Variants in MCPH1 observed in about 807,000 individuals in gnomAD.
MCPH1 encodes the protein microcephalin 1, also known as microcephalin.
MCPH1 carries 104 observed loss-of-function variants against 84.5 expected under a neutral mutation model. The ratio of observed to expected loss-of-function variants is 1.23; its 90% CI spans 1.05 to 1.45. The LOEUF (loss-of-function observed/expected upper bound fraction) is 1.45. MCPH1 is among the 40% of genes most tolerant of loss of function. The pLI is 0.00. For missense variants in MCPH1, 1,498 were observed against 1,005.7 expected (o/e 1.49, Z -6.62); for synonymous variants, 514 against 366.8 (o/e 1.40, Z -4.58).
intron 11 of MCPH1, among the ~76,000 whole-genome samples, chr8:6,490,925 G>A (rs1461496032): frequency 1.4e-5 from 2 of 139,456 alleles, no homozygotes; most frequent in South Asian, 2.4e-4. Flanking sequence ...AATTTAACAA[G>A]CATTGTATAT....
intron 12 of MCPH1, among the ~76,000 whole-genome samples, chr8:6,551,572 A>G (rs1823660656): frequency 2.0e-5 from 3 of 152,286 alleles, no homozygotes; most frequent in Middle Eastern, 3.4e-3. Flanking sequence ...TTTTTAACTC[A>G]TAACATTTTT....
intron 12 of MCPH1, among the ~76,000 whole-genome samples, chr8:6,610,490 T>A (rs1830168168): frequency 6.6e-6 from 1 of 152,232 alleles, no homozygotes. Flanking sequence ...CCTTTCTAGT[T>A]CGACTCTTAG....
chr8:6,441,956 T>C (rs1281357381), intron 6 of MCPH1, 111 bp from the exon 7 acceptor site: 1 of 751,964 alleles, frequency 1.3e-6, no homozygotes, highest in Non-Finnish European at 2.3e-6. Context: ...AACTTTGTGA[T>C]TATAGGATTT....
intron 12 of MCPH1, among the ~76,000 whole-genome samples, chr8:6,574,951 A>G (rs1258113640): frequency 6.6e-6 from 1 of 152,214 alleles, no homozygotes; most frequent in Non-Finnish European, 1.5e-5. Flanking sequence ...AACAGGATAA[A>G]TAAAATGATG....
At chr8:6,633,045 G>A (rs1298843985) in intron 13 of MCPH1, among the ~76,000 whole-genome samples, 4 of 150,702 alleles carry the variant, frequency 2.7e-5, no homozygotes, top group Non-Finnish European at 5.9e-5. Context: ...AAACTCTTCA[G>A]AAACCAGGAA....
chr8:6,443,655 A>G (rs1803838707), intron 7 of MCPH1, among the ~76,000 whole-genome samples: 2 of 152,216 alleles, frequency 1.3e-5, no homozygotes, highest in Admixed American at 6.5e-5. Flanking sequence ...ATGGGGCAGT[A>G]TGATGCATGA....
chr8:6,582,173 G>A (rs1000927122), intron 12 of MCPH1, among the ~76,000 whole-genome samples: 3 of 152,182 alleles, frequency 2.0e-5, no homozygotes, highest in African/African-American at 4.8e-5. Context: ...CACATCTAAC[G>A]TCAGCACACT....
chr8:6,423,455 G>T (rs991526195), intron 3 of MCPH1, among the ~76,000 whole-genome samples: 3 of 152,070 alleles, frequency 2.0e-5, no homozygotes, highest in African/African-American at 7.2e-5. Flanking sequence ...ATGAGCCCCT[G>T]CGCCCGGCCC....
Position 6,480,854 on chromosome 8 carries a change from G to C in MCPH1, c.2114G>C (p.Cys705Ser). 6.2e-7 allele frequency: 1 copy of C among 1,614,170 alleles called. No homozygotes were observed. Among genetic ancestry groups the C allele is most frequent in the East Asian group, 2.2e-5 (1 of 44,886 alleles). The change falls in exon 11 of 14, where the codon TGC becomes TCC. Residue 705 changes from cysteine (C) to serine (S), a missense_variant. By Grantham distance (112) the Cys-to-Ser change is moderately radical. Transcript: ENST00000344683. ...GTGCTGCTGGGAATTGCGCGTGGCT[G>C]CTGGGTTCTCTCTTATGATTGGGTA... The part of the protein sequence containing the change: ...LNVLLGIARG[C>S]WVLSYDWVLW...
In MCPH1 at chr8:6,621,565, T is replaced by C; in HGVS notation, c.2326T>C (p.Cys776Arg). ...CAGCAGCCCCCCAGTGGCCAAGCTC[T>C]GTGAACTAGTCCACCTGTGCGGAGG... ...PASSPPVAKL[C>R]ELVHLCGGRV... is the part of the protein sequence containing the mutation. Residue 776 changes from cysteine to arginine, a missense_variant, in exon 13 of 14, where the codon TGT (cysteine) becomes CGT (arginine). Coordinates refer to ENST00000344683, the MANE Select transcript of MCPH1 (RefSeq NM_024596.5). 1 of 1,614,218 alleles carries C rather than the reference T, an allele frequency of 6.2e-7. No homozygotes were observed. Among genetic ancestry groups the C allele is most frequent in the South Asian group, 1.1e-5 (1 of 91,090 alleles).
intron 13 of MCPH1, 131 bp downstream of exon 13, chr8:6,621,822 A>G (rs1831457114): frequency 8.1e-7 from 1 of 1,231,338 alleles, no homozygotes; most frequent in Non-Finnish European, 1.2e-6. Context: ...AGCCTCCAGC[A>G]TCTGCCCTGG....
chr8:6,434,144 G>C (rs1243472541), intron 4 of MCPH1, among the ~76,000 whole-genome samples: 1 of 152,118 alleles, frequency 6.6e-6, no homozygotes, highest in African/African-American at 2.4e-5. Flanking sequence ...GTGCTGACTG[G>C]CTCCTCCTAA....
At chr8:6,625,687 C>T (rs1235651259) in intron 13 of MCPH1, 7 of 982,786 alleles carry the variant, frequency 7.1e-6, no homozygotes, top group African/African-American at 7.0e-5. Context: ...GTCTTAGCTA[C>T]GTGGGAGCTT....
intron 6 of MCPH1, among the ~76,000 whole-genome samples, chr8:6,441,100 C>G (rs1204309192): frequency 6.6e-6 from 1 of 152,120 alleles, no homozygotes; most frequent in Non-Finnish European, 1.5e-5. Context: ...TATGGCCACC[C>G]CTTTTGCAAG....
chr8:6,544,161 A>G (rs1318986898), intron 12 of MCPH1, among the ~76,000 whole-genome samples: 1 of 152,226 alleles, frequency 6.6e-6, no homozygotes, highest in African/African-American at 2.4e-5. Context: ...ATTTGGTAGG[A>G]AGTGTAACAA....
At chr8:6,583,861 T>TTG (rs1341037497) in intron 12 of MCPH1, among the ~76,000 whole-genome samples, 1 of 151,668 alleles carries the variant, frequency 6.6e-6, no homozygotes, top group Non-Finnish European at 1.5e-5. Flanking sequence ...TGTTTTGTTT[T>TTG]TTTTTTTAAG....
Position 6,477,640 on chromosome 8 carries a change from T to G in MCPH1, c.1973+9T>G. ...ACAAGCATGCCATCTGAGTAAGTAC[T>G]TGTTTTGATTTCTGTTCAATGTAAA... On this transcript the variant is annotated intron_variant, in intron 10 of 13. Transcript: ENST00000344683. 6.2e-7 allele frequency: 1 copy of G among 1,610,520 alleles called. No homozygotes were observed.
In MCPH1 at chr8:6,445,140, T is replaced by C. The variant is rs758940671; in HGVS notation, c.1418T>C (p.Ile473Thr). 1.1e-5 allele frequency: 17 copies of C among 1,614,188 alleles called. No individual in the cohort carries two copies. In the South Asian group the frequency reaches 1.8e-4, roughly 17 times the overall value. Reference protein sequence around the residue: ...CVGKKTRTVDITNFTAKTISS... With the variant: ...CVGKKTRTVDTTNFTAKTISS... Reference sequence around the variant, plus strand: ...GGCAAAAAAACCAGAACAGTTGACATTACCAATTTCACAGCAAAAACCATC... The same window carrying C: ...GGCAAAAAAACCAGAACAGTTGACACTACCAATTTCACAGCAAAAACCATC... The change falls in exon 8 of 14, where the codon ATT becomes ACT. Residue 473 changes from isoleucine (I) to threonine (T), a missense_variant. Coordinates refer to ENST00000344683, the MANE Select transcript of MCPH1 (RefSeq NM_024596.5).
At chr8:6,569,933 C>G (rs1563141599) in intron 12 of MCPH1, among the ~76,000 whole-genome samples, 1 of 152,170 alleles carries the variant, frequency 6.6e-6, no homozygotes, top group Non-Finnish European at 1.5e-5. Context: ...CTCATGTGGA[C>G]CTCGGGCATC....
Sources: gnomAD v4.1 joint callset for allele counts (sites outside exome capture counted in the v4.1 genomes callset) on GRCh38, gnomAD v4.1.1 for gene constraint, MANE v1.5 for transcripts, NCBI Gene and HGNC (gene_info 2026-07-23, HGNC 2026-07-21) for gene names.